SLC9A8: variants seen among roughly 807,000 people sequenced by gnomAD.
SLC9A8 encodes solute carrier family 9 member A8, also known as sodium/hydrogen exchanger 8.
In SLC9A8, 48 loss-of-function variants were observed where a neutral mutation model predicts 66.6. That is an observed-to-expected ratio of 0.72 (90% CI 0.57 to 0.92). The LOEUF is 0.92. Ranked by LOEUF, SLC9A8 falls within the 40% of genes least tolerant of loss-of-function variation. SLC9A8 has a pLI of 0.00. For missense variants in SLC9A8, 599 were observed against 747.3 expected, an observed-to-expected ratio of 0.80 and a Z score of 2.31; for synonymous variants, 274 against 282.6, an observed-to-expected ratio of 0.97 and a Z score of 0.31.
chr20:49,814,324 A>G (rs1479487801), intron 1 of SLC9A8, among the ~76,000 whole-genome samples: 1 of 152,204 alleles, frequency 6.6e-6, no homozygotes, highest in Non-Finnish European at 1.5e-5. Flanking sequence ...TACCTATTAA[A>G]TGAGAGGTAG....
At chr20:49,862,441 T>A (rs62209521) in intron 8 of SLC9A8, among the ~76,000 whole-genome samples, 2 of 152,080 alleles carry the variant, frequency 1.3e-5, no homozygotes, top group African/African-American at 4.8e-5. Flanking sequence ...TTCGTATTTT[T>A]AGTAGAGACG....
Position 49,886,632 on chromosome 20 carries a change from G to A in SLC9A8, c.1492-120G>A. 1 of 1,212,134 alleles carries A rather than the reference G, an allele frequency of 8.2e-7. No individual in the cohort carries two copies. The highest frequency in any genetic ancestry group is 2.4e-5 in the East Asian group (1 of 41,698). The allele number at this position is 1,212,134 out of a possible 1,614,324, so 75.1% of individuals were successfully genotyped here. ...CGTCTGCTGCCCGTCACCCTGCATT[G>A]ATGGTCAAGTGGAGTTAGGGTTGGG... On this transcript the variant is annotated intron_variant, in intron 14 of 15. Coordinates refer to ENST00000361573, the MANE Select transcript of SLC9A8 (RefSeq NM_015266.3). The surrounding 1 kb of genome is among the most constrained non-coding windows in gnomAD (Gnocchi z 4.8).
chr20:49,854,336 T>C (rs1199358031), intron 7 of SLC9A8, among the ~76,000 whole-genome samples: 2 of 147,006 alleles, frequency 1.4e-5, no homozygotes, highest in Non-Finnish European at 1.5e-5. Context: ...CACATGCACC[T>C]TCCTTCTGTT....
Position 49,889,753 on chromosome 20 carries a change from T to A in SLC9A8, c.*1817T>A, listed in dbSNP as rs2146805152. ...AAGTCAGAGGGTAGGGACCTTTGCCTGCCCCTGGGCGAGTGCGGGCAGGGA... is the reference window on the plus strand; with the variant it reads ...AAGTCAGAGGGTAGGGACCTTTGCCAGCCCCTGGGCGAGTGCGGGCAGGGA... On this transcript the variant is annotated 3_prime_UTR_variant, in exon 16 of 16. Coordinates refer to ENST00000361573, the MANE Select transcript of SLC9A8 (RefSeq NM_015266.3). 2.0e-5 allele frequency: 3 copies of A among 152,314 alleles called. No individual in the cohort carries two copies. The highest frequency in any genetic ancestry group is 6.8e-3 in the Middle Eastern group (2 of 294). 9.4% of individuals were successfully genotyped at this position (152,314 alleles called of 1,614,324 possible). A position where few individuals can be genotyped will look rare whatever the true frequency, so the allele number is the denominator to read the frequency against.
intron 4 of SLC9A8, among the ~76,000 whole-genome samples, chr20:49,841,261 T>C (rs1172051361): frequency 6.7e-6 from 1 of 149,108 alleles, no homozygotes; most frequent in Non-Finnish European, 1.5e-5. Context: ...CAGTGAGTTA[T>C]AATTGCACCA....
chr20:49,851,486 G>C (rs959366150), intron 7 of SLC9A8, among the ~76,000 whole-genome samples: 1 of 152,228 alleles, frequency 6.6e-6, no homozygotes, highest in African/African-American at 2.4e-5. Context: ...TCCCCCCTCT[G>C]AGAGCAGACA....
At chr20:49,812,972 G>T (rs6020064) in intron 1 of SLC9A8, 24 bp downstream of exon 1, 4 of 1,390,080 alleles carry the variant, frequency 2.9e-6, no homozygotes, top group Non-Finnish European at 3.7e-6. Flanking sequence ...TTCCCGGGCG[G>T]CGGAGGCGGC....
intron 10 of SLC9A8, among the ~76,000 whole-genome samples, chr20:49,870,193 G>A (rs563780592): frequency 6.6e-6 from 1 of 152,170 alleles, no homozygotes. Flanking sequence ...CTTGCTGTTG[G>A]GGCTACATTT....
Position 49,855,270 on chromosome 20 carries a change from C to G in SLC9A8, c.570-168C>G, listed in dbSNP as rs113436401. On this transcript the variant is annotated intron_variant, in intron 7 of 15. Transcript: ENST00000361573. Reference sequence around the variant, plus strand: ...TTAGAGTGGGCCTTTCATACTCCACCCACAAAACAGCAGATAAGTGGGGAA... The same window carrying G: ...TTAGAGTGGGCCTTTCATACTCCACGCACAAAACAGCAGATAAGTGGGGAA... Among the ~76,000 whole-genome samples, 600 of 152,314 alleles carry G rather than the reference C, an allele frequency of 3.9e-3. 6 individuals carry two copies. The highest frequency in any genetic ancestry group is 0.014 in the African/African-American group (577 of 41,570).
At chr20:49,852,875 GT>G (rs1316189060) in intron 7 of SLC9A8, among the ~76,000 whole-genome samples, 1 of 151,118 alleles carries the variant, frequency 6.6e-6, no homozygotes, top group African/African-American at 2.5e-5. Context: ...AATTTAGAAA[GT>G]TTATTTTGCC....
At chr20:49,885,352 G>T (rs1405234566) in intron 14 of SLC9A8, among the ~76,000 whole-genome samples, 1 of 152,150 alleles carries the variant, frequency 6.6e-6, no homozygotes, top group Non-Finnish European at 1.5e-5. Context: ...TTGAGACAGG[G>T]TCTCACTCTA....
chr20:49,856,591 G>A (rs895714775), intron 8 of SLC9A8, among the ~76,000 whole-genome samples: 1 of 152,212 alleles, frequency 6.6e-6, no homozygotes, highest in Non-Finnish European at 1.5e-5. Context: ...GAAGGCCAAG[G>A]CGGGTGGATC....
chr20:49,868,404 A>C (rs909350496), intron 10 of SLC9A8, among the ~76,000 whole-genome samples: 1 of 152,182 alleles, frequency 6.6e-6, no homozygotes, highest in African/African-American at 2.4e-5. Flanking sequence ...GAGGGGCAGG[A>C]TGGCCCTGTG....
At chr20:49,816,854 A>G (rs922711850) in intron 2 of SLC9A8, among the ~76,000 whole-genome samples, 3 of 151,428 alleles carry the variant, frequency 2.0e-5, no homozygotes. Flanking sequence ...TCAGCCTCCC[A>G]AGTAGCTGGG....
intron 2 of SLC9A8, among the ~76,000 whole-genome samples, chr20:49,819,907 G>T (rs902110989): frequency 6.6e-6 from 1 of 152,148 alleles, no homozygotes; most frequent in Admixed American, 6.5e-5. Flanking sequence ...ATATTCCACT[G>T]TATGGATATG....
chr20:49,890,231 A>G lies in SLC9A8; in HGVS notation c.*2295A>G, dbSNP rs557563043. The G allele has an allele frequency of 2.6e-5, 4 of 152,224 alleles. No individual in the cohort carries two copies. Among genetic ancestry groups the G allele is most frequent in the Non-Finnish European group, 5.9e-5 (4 of 68,012 alleles). The allele number at this position is 152,224 out of a possible 1,614,324, so 9.4% of individuals were successfully genotyped here. A position where few individuals can be genotyped will look rare whatever the true frequency, so the allele number is the denominator to read the frequency against. ...TGAGGGCACCCCGTGTTCCTTGGCA[A>G]TCTTGGCTCACCTTGGTAACAAAAG... On this transcript the variant is annotated 3_prime_UTR_variant, in exon 16 of 16. Transcript: ENST00000361573.
chr20:49,874,309 C>T (rs560661153), intron 10 of SLC9A8, among the ~76,000 whole-genome samples: 1 of 152,232 alleles, frequency 6.6e-6, no homozygotes, highest in African/African-American at 2.4e-5. Context: ...TCAATAGCCA[C>T]AGGTTCCACA....
chr20:49,833,188 G>A (rs1389240374), intron 3 of SLC9A8, among the ~76,000 whole-genome samples: 1 of 152,200 alleles, frequency 6.6e-6, no homozygotes, highest in Non-Finnish European at 1.5e-5. Context: ...ACAGGTGTGA[G>A]CCGCCATGCC....
In SLC9A8 at chr20:49,870,837, G is replaced by T. The variant is rs570855147; in HGVS notation, c.959-3868G>T. Among the ~76,000 whole-genome samples the T allele has an allele frequency of 7.6e-4, 116 of 152,240 alleles. 1 individual carries two copies. Among genetic ancestry groups the T allele is most frequent in the African/African-American group, 2.6e-3 (108 of 41,526 alleles). On this transcript the variant is annotated intron_variant, in intron 10 of 15. Transcript: ENST00000361573. ...TCCACCTCAGCCTCCTGAGTAGCTG[G>T]GACTATAGGCACGTGCTACCACACC...
Sources: allele counts gnomAD v4.1 joint callset (sites outside exome capture counted in the v4.1 genomes callset), GRCh38; gene constraint gnomAD v4.1.1; non-coding constraint Gnocchi (gnomAD v3.1); transcripts MANE v1.5; gene names NCBI Gene and HGNC (gene_info 2026-07-23, HGNC 2026-07-21).